The following DARS1 variants were observed in gnomAD, a reference collection of about 807,000 sequenced individuals.
DARS1 encodes the protein aspartate--tRNA ligase, cytoplasmic.
DARS1 carries 51 observed loss-of-function variants against 68.8 expected under a neutral mutation model. That is an observed-to-expected ratio of 0.74 (90% CI 0.59 to 0.94). The LOEUF is 0.94. DARS1 is among the 40% of genes least tolerant of loss of function. DARS1 has a pLI of 0.00. For synonymous variants in DARS1, 203 were observed against 190.4 expected (o/e 1.07, Z -0.55); for missense variants, 607 against 597.3 (o/e 1.02, Z -0.17).
chr2:135,920,328 C>T, intron 10 of DARS1, 125 bp downstream of exon 10: 1 of 1,366,562 alleles, frequency 7.3e-7, no homozygotes, highest in Admixed American at 3.0e-5. Flanking sequence ...GATCATCTAA[C>T]TGGTAAATCT....
chr2:135,985,656 G>A (rs745625370), upstream of DARS1: 7 of 1,403,478 alleles, frequency 5.0e-6, no homozygotes, highest in African/African-American at 2.9e-5. Context: ...TCGAGATCCC[G>A]GAGCGCTGGC....
intron 7 of DARS1, among the ~76,000 whole-genome samples, chr2:135,929,433 T>G (rs1053543199): frequency 6.6e-6 from 1 of 152,200 alleles, no homozygotes; most frequent in Non-Finnish European, 1.5e-5. Flanking sequence ...TTAAATCACA[T>G]TTTAAAACTT....
Position 135,979,365 on chromosome 2 carries a change from A to C in DARS1, c.126T>G (p.Asp42Glu). 7.8e-7 allele frequency: 1 copy of C among 1,274,690 alleles called. No homozygotes were observed. The highest frequency in any genetic ancestry group is 1.2e-5 in the South Asian group (1 of 83,850). 79.0% of individuals were successfully genotyped at this position (1,274,690 alleles called of 1,614,324 possible). A position where few individuals can be genotyped will look rare whatever the true frequency, so the allele number is the denominator to read the frequency against. The change falls in exon 3 of 16, where the codon GAT (aspartate) becomes GAG (glutamate). Residue 42 changes from aspartate to glutamate, a missense_variant and splice_region_variant. Physicochemically the swap from Asp to Glu is conservative, Grantham distance 45. Coordinates refer to ENST00000264161, the MANE Select transcript of DARS1 (RefSeq NM_001349.4). ...AGTCTCTAACCCGAACCAAAACTCG[A>C]TCTGTAATAACAGTAAACGATTTTT... ...SSMIQSQEKP[D>E]RVLVRVRDLT...
chr2:135,927,600 T>C (rs1681247868), intron 7 of DARS1, among the ~76,000 whole-genome samples: 1 of 152,134 alleles, frequency 6.6e-6, no homozygotes, highest in Non-Finnish European at 1.5e-5. Flanking sequence ...TCCTCACTCA[T>C]TAAACAAATA....
intron 2 of DARS1, 40 bp downstream of exon 2, chr2:135,983,356 GA>G: frequency 1.2e-6 from 1 of 824,712 alleles, no homozygotes; most frequent in South Asian, 1.5e-5. Context: ...CCTGGAATTA[GA>G]AAGCAAAAAA....
intron 7 of DARS1, among the ~76,000 whole-genome samples, chr2:135,931,236 AGTTT>A (rs1399344045): frequency 6.6e-6 from 1 of 152,088 alleles, no homozygotes; most frequent in Non-Finnish European, 1.5e-5. Flanking sequence ...ATTAGATAGT[AGTTT>A]ATTTTTTATT....
intron 5 of DARS1, among the ~76,000 whole-genome samples, chr2:135,936,930 C>G (rs1346137891): frequency 6.6e-6 from 1 of 152,140 alleles, no homozygotes; most frequent in East Asian, 1.9e-4. Flanking sequence ...CATGTGCACA[C>G]GGATCAGGGC....
chr2:135,959,338 C>T (rs947435073), intron 4 of DARS1, among the ~76,000 whole-genome samples: 3 of 122,170 alleles, frequency 2.5e-5, no homozygotes, highest in East Asian at 5.5e-4. Context: ...TTGCGATGAG[C>T]GGAGACCACG....
Position 135,958,187 on chromosome 2 carries a change from A to C in DARS1, c.320+3209T>G, listed in dbSNP as rs117754321. 1.2e-3 allele frequency among the ~76,000 whole-genome samples: 185 copies of C among 152,340 alleles called. 2 individuals carry two copies. In the East Asian group the frequency reaches 0.03, roughly 25 times the overall value. On this transcript the variant is annotated intron_variant, in intron 4 of 15. Coordinates refer to ENST00000264161, the MANE Select transcript of DARS1 (RefSeq NM_001349.4). ...GTCAATCATTTTATAAAACTGTCTT[A>C]CTTATGTGAAAGTTAATGTGGCATT... is the stretch of plus-strand genomic sequence containing the variant.
Position 135,985,412 on chromosome 2 carries a change from G to A in DARS1, c.57C>T (p.Asp19=), listed in dbSNP as rs753010396. ...KSQEKPREIM[D]AAEDYAKERY... is the part of the protein sequence containing the mutation. Reference sequence around the variant, plus strand: ...AAAGGAGGAAACCCACTTCCGCCGCGTCCATGATCTCCCGCGGCTTCTCCT... The same window carrying A: ...AAAGGAGGAAACCCACTTCCGCCGCATCCATGATCTCCCGCGGCTTCTCCT... Residue 19 remains aspartate (D), a synonymous_variant, in exon 1 of 16, where the codon GAC becomes GAT. Transcript: ENST00000264161. 1.7e-5 allele frequency: 27 copies of A among 1,613,724 alleles called. No homozygotes were observed. The East Asian group carries it at 3.6e-4, about 21-fold the overall frequency.
intron 13 of DARS1, 84 bp downstream of exon 13, chr2:135,912,402 C>A (rs1242157156): frequency 3.3e-6 from 2 of 605,688 alleles, no homozygotes; most frequent in Non-Finnish European, 5.9e-6. Context: ...TAATGAAAAC[C>A]ATTATTCCTA....
intron 10 of DARS1, among the ~76,000 whole-genome samples, chr2:135,919,628 A>G (rs1350643171): frequency 6.6e-6 from 1 of 152,200 alleles, no homozygotes; most frequent in Admixed American, 6.5e-5. Context: ...TATTTTCTCT[A>G]TGTTAAACAT....
At chr2:135,934,776 T>C (rs1447708155) in intron 5 of DARS1, among the ~76,000 whole-genome samples, 1 of 151,770 alleles carries the variant, frequency 6.6e-6, no homozygotes, top group African/African-American at 2.4e-5. Flanking sequence ...AAGGAGCAAT[T>C]AACATATGAC....
chr2:135,939,163 T>C (rs573641637), intron 5 of DARS1, among the ~76,000 whole-genome samples: 3 of 152,288 alleles, frequency 2.0e-5, no homozygotes, highest in African/African-American at 4.8e-5. Flanking sequence ...GCGGACCTAA[T>C]AGACATCTGC....
chr2:135,954,527 A>G (rs538488665), intron 4 of DARS1, among the ~76,000 whole-genome samples: 9 of 152,222 alleles, frequency 5.9e-5, no homozygotes, highest in African/African-American at 1.9e-4. Flanking sequence ...TCCCCTGTAC[A>G]TCAACTGGGG....
intron 5 of DARS1, among the ~76,000 whole-genome samples, chr2:135,942,066 C>T (rs1209450818): frequency 5.3e-5 from 8 of 152,136 alleles, no homozygotes; most frequent in African/African-American, 1.7e-4. Context: ...GGACTGTAAA[C>T]GAGTTCAACC....
Position 135,911,450 on chromosome 2 carries a change from A to T in DARS1, c.1274T>A (p.Ile425Lys). 1 of 1,091,122 alleles carries T rather than the reference A, an allele frequency of 9.2e-7. No individual in the cohort carries two copies. The highest frequency in any genetic ancestry group is 1.4e-6 in the Non-Finnish European group (1 of 701,648). The allele number at this position is 1,091,122 out of a possible 1,614,324, so 67.6% of individuals were successfully genotyped here. A position where few individuals can be genotyped will look rare whatever the true frequency, so the allele number is the denominator to read the frequency against. ...SYDMFMRGEE[I>K]LSGAQRIHDP... Reference sequence around the variant, plus strand: ...ATGTATTCTTTGAGCTCCTGACAATATTTCTTCTCCTCTCATGAACATATC... The same window carrying T: ...ATGTATTCTTTGAGCTCCTGACAATTTTTCTTCTCCTCTCATGAACATATC... Residue 425 changes from isoleucine to lysine, a missense_variant, in exon 14 of 16, where the codon ATA becomes AAA. Physicochemically the swap from Ile to Lys is moderately radical, Grantham distance 102. Transcript: ENST00000264161.
chr2:135,960,999 T>C (rs1381170895), intron 4 of DARS1, among the ~76,000 whole-genome samples: 1 of 152,236 alleles, frequency 6.6e-6, no homozygotes, highest in African/African-American at 2.4e-5. Context: ...TTTTATATAC[T>C]TTTATTTTTT....
intron 9 of DARS1, 28 bp from the exon 10 acceptor site, chr2:135,920,628 G>T: frequency 1.3e-6 from 2 of 1,530,752 alleles, no homozygotes; most frequent in South Asian, 1.3e-5. Flanking sequence ...GAAATAGAGA[G>T]CAAACACTGA....
Sources: gnomAD v4.1 joint callset for allele counts (sites outside exome capture counted in the v4.1 genomes callset) on GRCh38, gnomAD v4.1.1 for gene constraint, MANE v1.5 for transcripts, NCBI Gene and HGNC (gene_info 2026-07-23, HGNC 2026-07-21) for gene names.